Variants in DENND4A observed in about 807,000 individuals in gnomAD.
DENND4A encodes C-myc promoter-binding protein.
DENND4A carries 70 observed loss-of-function variants against 199.3 expected under a neutral mutation model. That is an observed-to-expected ratio of 0.35 (90% CI 0.29 to 0.43). The LOEUF is 0.43. Among genes scored for constraint, DENND4A ranks in the 20% least tolerant of loss-of-function variants. DENND4A has a pLI of 1.00. For missense variants in DENND4A, 1,723 were observed against 2,255.8 expected (o/e 0.76, Z 4.78); for synonymous variants, 686 against 766.9 (o/e 0.89, Z 1.74).
chr15:65,663,498 T>C (rs1420379989), intron 32 of DENND4A, among the ~76,000 whole-genome samples: 1 of 151,970 alleles, frequency 6.6e-6, no homozygotes, highest in Admixed American at 6.6e-5. Context: ...CGTGAACCAC[T>C]GCACCTGGCT....
chr15:65,702,355 A>C lies in DENND4A; in HGVS notation c.2380T>G (p.Tyr794Asp). ...HSKVRALKTA[Y>D]DVLKKMQSKK... ...GACTGCATTTTTTTAAGCACATCATATGCTGTTTTCAGAGCCCTGACTTTT... is the reference window on the plus strand; with the variant it reads ...GACTGCATTTTTTTAAGCACATCATCTGCTGTTTTCAGAGCCCTGACTTTT... The change falls in exon 17 of 33, where the codon TAT (tyrosine) becomes GAT (aspartate). Residue 794 changes from tyrosine to aspartate, a missense_variant. By Grantham distance (160) the Tyr-to-Asp change is radical. Around this residue, in one of 6 missense-constraint regions of DENND4A, gnomAD observed 725 missense variants for 952.9 expected, o/e 0.76. Coordinates refer to ENST00000443035, the MANE Select transcript of DENND4A (RefSeq NM_001320835.1). 6.4e-7 allele frequency: 1 copy of C among 1,553,376 alleles called. No homozygotes were observed. The highest frequency in any genetic ancestry group is 8.7e-7 in the Non-Finnish European group (1 of 1,147,790).
chr15:65,764,684 TAAC>T (rs933029090), intron 1 of DENND4A, among the ~76,000 whole-genome samples: 82 of 149,826 alleles, frequency 5.5e-4, no homozygotes, highest in African/African-American at 2.0e-3. Flanking sequence ...TAAAAAAAAA[TAAC>T]AAGTGGCCAG....
chr15:65,777,257 C>T (rs2077307272), intron 1 of DENND4A, among the ~76,000 whole-genome samples: 2 of 152,080 alleles, frequency 1.3e-5, no homozygotes, highest in Non-Finnish European at 1.5e-5. Flanking sequence ...CTTGGCTGTA[C>T]TTCTATCATC....
Position 65,752,395 on chromosome 15 carries a change from T to C in DENND4A, c.545A>G (p.Asn182Ser). The change falls in exon 4 of 33, where the codon AAT becomes AGT. Residue 182 changes from asparagine (N) to serine (S), a missense_variant. By Grantham distance (46) the Asn-to-Ser change is conservative. Around this residue, in one of 6 missense-constraint regions of DENND4A, gnomAD observed 725 missense variants for 952.9 expected, o/e 0.76. Transcript: ENST00000443035. ...GTCACTTACCATACTGTTATTGAGA[T>C]TCTTGTCGACTTTGCAGAACGTGTG... Reference protein sequence around the residue: ...PPHTFCKVDKNLNNSMWGSAV... With the variant: ...PPHTFCKVDKSLNNSMWGSAV... The C allele has an allele frequency of 6.2e-7, 1 of 1,610,226 alleles. No individual in the cohort carries two copies. The highest frequency in any genetic ancestry group is 1.1e-5 in the South Asian group (1 of 90,518).
intron 20 of DENND4A, among the ~76,000 whole-genome samples, chr15:65,698,428 A>G (rs2077228265): frequency 6.6e-6 from 1 of 152,222 alleles, no homozygotes; most frequent in Non-Finnish European, 1.5e-5. Flanking sequence ...TATGATTTTA[A>G]GTAACAATGT....
intron 1 of DENND4A, among the ~76,000 whole-genome samples, chr15:65,780,177 C>T (rs2077401086): frequency 6.6e-6 from 1 of 152,182 alleles, no homozygotes; most frequent in African/African-American, 2.4e-5. Flanking sequence ...GTTGGGATTA[C>T]AGGTGTGCAC....
chr15:65,659,635 G>A lies in DENND4A; in HGVS notation c.*2216C>T, dbSNP rs559388966. The A allele has an allele frequency of 1.3e-5, 2 of 152,030 alleles. No individual in the cohort carries two copies. Among genetic ancestry groups the A allele is most frequent in the Admixed American group, 1.3e-4 (2 of 15,230 alleles). The allele number at this position is 152,030 out of a possible 1,614,324, so 9.4% of individuals were successfully genotyped here. A position where few individuals can be genotyped will look rare whatever the true frequency, so the allele number is the denominator to read the frequency against. On this transcript the variant is annotated 3_prime_UTR_variant, in exon 33 of 33. Coordinates refer to ENST00000443035, the MANE Select transcript of DENND4A (RefSeq NM_001320835.1). Reference sequence around the variant, plus strand: ...ATTACAGGCCTCCATGAGCAACCACGCCCAGCTCAAGAATGATTCACATTT... The same window carrying A: ...ATTACAGGCCTCCATGAGCAACCACACCCAGCTCAAGAATGATTCACATTT...
chr15:65,701,938 A>G, intron 17 of DENND4A, 48 bp from the exon 18 acceptor site: 1 of 1,608,804 alleles, frequency 6.2e-7, no homozygotes, highest in African/African-American at 1.3e-5. Context: ...GTCACCATGT[A>G]CATAAATCTA....
chr15:65,775,544 G>C (rs1391656986), intron 1 of DENND4A, among the ~76,000 whole-genome samples: 1 of 137,992 alleles, frequency 7.2e-6, no homozygotes, highest in Non-Finnish European at 1.5e-5. Flanking sequence ...GGGAGGCTAA[G>C]ACAGGAGAAT....
chr15:65,728,767 G>A (rs1461479308), intron 11 of DENND4A, among the ~76,000 whole-genome samples: 1 of 152,050 alleles, frequency 6.6e-6, no homozygotes, highest in African/African-American at 2.4e-5. Context: ...AGGATTACAG[G>A]CATGAGCCAC....
intron 25 of DENND4A, among the ~76,000 whole-genome samples, chr15:65,670,984 C>T (rs539719058): frequency 1.1e-4 from 17 of 152,196 alleles, no homozygotes; most frequent in Admixed American, 4.6e-4. Context: ...AAAAGTATAA[C>T]TTTTTCATTT....
chr15:65,690,867 A>G lies in DENND4A; in HGVS notation c.3727T>C (p.Ser1243Pro), dbSNP rs2076946750. The part of the protein sequence containing the change: ...EDDSKSISTP[S>P]ARRDLAEEIV... ...TCTTCAGCTAAATCACGCCTAGCAG[A>G]TGGTGTTGAAATGCTTTTGCTATCA... Residue 1243 changes from serine to proline, a missense_variant, in exon 23 of 33, where the codon TCT becomes CCT. Around this residue, in one of 6 missense-constraint regions of DENND4A, gnomAD observed 650 missense variants for 738.1 expected, o/e 0.88. Coordinates refer to ENST00000443035, the MANE Select transcript of DENND4A (RefSeq NM_001320835.1). 3.7e-6 allele frequency: 6 copies of G among 1,612,016 alleles called. No homozygotes were observed. Among genetic ancestry groups the G allele is most frequent in the Non-Finnish European group, 5.1e-6 (6 of 1,179,180 alleles).
chr15:65,669,893 T>C lies in DENND4A; in HGVS notation c.4673A>G (p.Asn1558Ser), dbSNP rs1243491656. The C allele has an allele frequency of 6.2e-7, 1 of 1,613,934 alleles. No individual in the cohort carries two copies. The highest frequency in any genetic ancestry group is 8.5e-7 in the Non-Finnish European group (1 of 1,179,856). Residue 1558 changes from asparagine (N) to serine (S), a missense_variant, in exon 27 of 33, where the codon AAT (asparagine) becomes AGT (serine). Physicochemically the swap from Asn to Ser is conservative, Grantham distance 46 (BLOSUM62 1). Transcript: ENST00000443035. Reference protein sequence around the residue: ...YFLKSSPSTENMHFPSSISSQ... With the variant: ...YFLKSSPSTESMHFPSSISSQ... Reference sequence around the variant, plus strand: ...TGAAATGGAGGATGGAAAGTGCATATTTTCTGTTGATGGGCTTGACTTTAG... The same window carrying C: ...TGAAATGGAGGATGGAAAGTGCATACTTTCTGTTGATGGGCTTGACTTTAG...
In DENND4A at chr15:65,670,845, C is replaced by T. The variant is rs181338102; in HGVS notation, c.4465-657G>A. ...GAAACTTTGTAAAGTTAGTGTTCAT[C>T]ATCTATGTTTTGGCTGTATGCAAAT... On this transcript the variant is annotated intron_variant, in intron 25 of 32. Coordinates refer to ENST00000443035, the MANE Select transcript of DENND4A (RefSeq NM_001320835.1). 5.7e-3 allele frequency among the ~76,000 whole-genome samples: 861 copies of T among 152,238 alleles called. 10 individuals are homozygous for T. The highest frequency in any genetic ancestry group is 0.02 in the African/African-American group (823 of 41,548).
intron 4 of DENND4A, among the ~76,000 whole-genome samples, chr15:65,749,990 A>G (rs1352693780): frequency 6.6e-6 from 1 of 152,206 alleles, no homozygotes; most frequent in Admixed American, 6.5e-5. Flanking sequence ...AATGGAAAAA[A>G]CTGAAAATAA....
intron 1 of DENND4A, among the ~76,000 whole-genome samples, chr15:65,762,532 G>A (rs1350789087): frequency 6.6e-6 from 1 of 152,036 alleles, no homozygotes; most frequent in Non-Finnish European, 1.5e-5. Context: ...AGGAGACTGA[G>A]GCACGAGAAT....
At chr15:65,728,320 A>T (rs1051670996) in intron 11 of DENND4A, among the ~76,000 whole-genome samples, 1 of 151,810 alleles carries the variant, frequency 6.6e-6, no homozygotes, top group African/African-American at 2.4e-5. Context: ...AAGTATTCTA[A>T]TAGTATTATA....
chr15:65,676,143 T>A (rs55708403), intron 24 of DENND4A, among the ~76,000 whole-genome samples: 2,540 of 120,106 alleles, frequency 0.021, 41 homozygotes, highest in African/African-American at 0.028. Context: ...TAAGGAAAAA[T>A]ATATATATAT....
Position 65,690,427 on chromosome 15 carries a change from G to C in DENND4A, c.4167C>G (p.Thr1389=). ...SKWYSRFTMY[T]TSSKDQSSDR... ...TAACCAAACTTACCTTAGATGATGT[G>C]GTGTACATGGTGAATCTTGAATACC... Residue 1389 remains threonine, a synonymous_variant, in exon 23 of 33, where the codon ACC becomes ACG. Transcript: ENST00000443035. 6.3e-7 allele frequency: 1 copy of C among 1,581,010 alleles called. No homozygotes were observed. The highest frequency in any genetic ancestry group is 8.6e-7 in the Non-Finnish European group (1 of 1,162,852).
Sources: allele counts gnomAD v4.1 joint callset (sites outside exome capture counted in the v4.1 genomes callset), GRCh38; gene constraint gnomAD v4.1.1; regional missense constraint gnomAD v4.1.1; transcripts MANE v1.5; gene names NCBI Gene and HGNC (gene_info 2026-07-23, HGNC 2026-07-21).